Variants in CSMD1 observed in about 807,000 individuals in gnomAD.
The protein encoded by CSMD1 is CUB and Sushi multiple domains 1.
A neutral mutation model predicts 417.5 loss-of-function variants in CSMD1; 213 were observed. That is an observed-to-expected ratio of 0.51 (90% CI 0.46 to 0.57). The LOEUF is 0.57. Ranked by LOEUF, CSMD1 falls within the 20% of genes least tolerant of loss-of-function variation. CSMD1 has a pLI of 0.00. For synonymous variants in CSMD1, 2,862 were observed against 1,736.8 expected (o/e 1.65, Z -16.11); for missense variants, 6,923 against 4,529.7 (o/e 1.53, Z -15.17).
chr8:4,908,887 G>C (rs1805480742), intron 1 of CSMD1, among the ~76,000 whole-genome samples: 1 of 152,020 alleles, frequency 6.6e-6, no homozygotes, highest in Admixed American at 6.5e-5. Flanking sequence ...TAAATTCCCT[G>C]ACTGGCAATG....
chr8:3,196,360 G>T (rs1232350735), intron 33 of CSMD1, among the ~76,000 whole-genome samples: 4 of 152,122 alleles, frequency 2.6e-5, no homozygotes, highest in African/African-American at 9.7e-5. Context: ...AGTAGAAGCA[G>T]CTGAGTGGCC....
At chr8:3,845,966 G>A (rs1803475371) in intron 5 of CSMD1, among the ~76,000 whole-genome samples, 1 of 151,648 alleles carries the variant, frequency 6.6e-6, no homozygotes, top group African/African-American at 2.4e-5. Context: ...GCTCCTCAGG[G>A]GCAGTAGTAC....
At chr8:4,406,449 C>G (rs554725123) in intron 3 of CSMD1, among the ~76,000 whole-genome samples, 1 of 152,186 alleles carries the variant, frequency 6.6e-6, no homozygotes, top group Non-Finnish European at 1.5e-5. Flanking sequence ...TTTCAAATTT[C>G]TGATAAATCT....
intron 1 of CSMD1, among the ~76,000 whole-genome samples, chr8:4,759,919 T>C (rs1673246): frequency 0.32 from 48,038 of 152,044 alleles, 8,532 homozygotes; most frequent in African/African-American, 0.48. Flanking sequence ...TTTCTTTGGG[T>C]ATATACCTAA....
intron 41 of CSMD1, among the ~76,000 whole-genome samples, chr8:3,136,274 C>T (rs1200882561): frequency 1.7e-4 from 25 of 150,028 alleles, no homozygotes; most frequent in Non-Finnish European, 2.8e-4. Context: ...TTTTGCCCCC[C>T]GAGATAGAGT....
intron 3 of CSMD1, among the ~76,000 whole-genome samples, chr8:4,052,121 C>G (rs1206550092): frequency 1.3e-5 from 2 of 151,954 alleles, no homozygotes; most frequent in African/African-American, 4.8e-5. Flanking sequence ...GACAGGGTTT[C>G]ACCATGTTGG....
chr8:4,385,641 A>G (rs1406673147), intron 3 of CSMD1, among the ~76,000 whole-genome samples: 2 of 152,214 alleles, frequency 1.3e-5, no homozygotes, highest in Non-Finnish European at 2.9e-5. Context: ...AGATGCAAAG[A>G]CAATTGGCAT....
chr8:3,249,151 A>G (rs1355429472), intron 26 of CSMD1, among the ~76,000 whole-genome samples: 1 of 152,036 alleles, frequency 6.6e-6, no homozygotes, highest in East Asian at 1.9e-4. Flanking sequence ...AATAGTAACT[A>G]TTATAAGCTG....
chr8:3,907,870 C>G (rs1313143123), intron 5 of CSMD1, among the ~76,000 whole-genome samples: 1 of 152,194 alleles, frequency 6.6e-6, no homozygotes, highest in East Asian at 1.9e-4. Context: ...AGGCAAATAA[C>G]TTTCTCTCTT....
intron 5 of CSMD1, among the ~76,000 whole-genome samples, chr8:3,850,648 T>C (rs1341202504): frequency 6.6e-6 from 1 of 152,004 alleles, no homozygotes; most frequent in Non-Finnish European, 1.5e-5. Context: ...TGAGCCAAGA[T>C]CGCACCACTG....
At chr8:4,639,064 C>A (rs1181326104) in intron 1 of CSMD1, among the ~76,000 whole-genome samples, 1 of 152,050 alleles carries the variant, frequency 6.6e-6, no homozygotes, top group Middle Eastern at 3.2e-3. Flanking sequence ...CTATTTTTAC[C>A]ACTAGACAAA....
rs1339351263 is a variant in CSMD1 at position 3,181,154 on chromosome 8, G to A, written c.5681C>T (p.Ser1894Phe). 1 of 1,613,778 alleles carries A rather than the reference G, an allele frequency of 6.2e-7. No individual in the cohort carries two copies. The highest frequency in any genetic ancestry group is 8.5e-7 in the Non-Finnish European group (1 of 1,179,858). The change falls in exon 37 of 70, where the codon TCT becomes TTT. Residue 1894 changes from serine (S) to phenylalanine (F), a missense_variant. Ser to Phe is a radical substitution (Grantham distance 155). Transcript: ENST00000635120. ...TSNQLYLHFQ[S>F]DISVAAAGFH... ...ACCAGCAGCTGCCACACTAATGTCAGACTGGAAATGCAGGTAGAGTTGGTT... is the reference window on the plus strand; with the variant it reads ...ACCAGCAGCTGCCACACTAATGTCAAACTGGAAATGCAGGTAGAGTTGGTT...
chr8:4,305,781 A>C (rs1215468037), intron 3 of CSMD1, among the ~76,000 whole-genome samples: 2 of 152,134 alleles, frequency 1.3e-5, no homozygotes, highest in East Asian at 1.9e-4. Flanking sequence ...ATTTCACTTC[A>C]CAAAAGTGAT....
intron 1 of CSMD1, among the ~76,000 whole-genome samples, chr8:4,781,720 G>A (rs561758541): frequency 1.3e-5 from 2 of 152,214 alleles, no homozygotes; most frequent in East Asian, 3.9e-4. Flanking sequence ...ACATTTCTGG[G>A]AACACTAGAA....
chr8:4,068,261 C>A (rs1320271752), intron 3 of CSMD1, among the ~76,000 whole-genome samples: 1 of 152,056 alleles, frequency 6.6e-6, no homozygotes, highest in Non-Finnish European at 1.5e-5. Flanking sequence ...AGGTTGCCCT[C>A]CTCGGAGAGT....
intron 40 of CSMD1, among the ~76,000 whole-genome samples, chr8:3,149,937 C>A (rs1046760226): frequency 2.0e-5 from 3 of 152,166 alleles, no homozygotes; most frequent in Admixed American, 6.5e-5. Flanking sequence ...GGCTCCGGTC[C>A]TTAAGAGCGC....
In CSMD1 at chr8:3,649,639, G is replaced by A. The variant is rs141491441; in HGVS notation, c.1010-32842C>T. Among the ~76,000 whole-genome samples, 10 of 152,244 alleles carry A rather than the reference G, an allele frequency of 6.6e-5. No individual in the cohort carries two copies. The East Asian group carries it at 1.2e-3, about 18-fold the overall frequency. On this transcript the variant is annotated intron_variant, in intron 7 of 69. Coordinates refer to ENST00000635120, the MANE Select transcript of CSMD1 (RefSeq NM_033225.6). ...TTACTCACCATCATGAGAACAGCAC[G>A]GAGAAACCACCCCCATGATTCCATT...
intron 8 of CSMD1, among the ~76,000 whole-genome samples, chr8:3,602,899 C>A (rs1032339294): frequency 6.6e-6 from 1 of 152,042 alleles, no homozygotes; most frequent in African/African-American, 2.4e-5. Context: ...AATATAGGCT[C>A]AAGTAACAAT....
chr8:4,412,430 G>A (rs1198963612), intron 3 of CSMD1, among the ~76,000 whole-genome samples: 1 of 152,126 alleles, frequency 6.6e-6, no homozygotes, highest in Non-Finnish European at 1.5e-5. Context: ...TACCATGATT[G>A]GAAGCTTCCC....
Sources: allele counts gnomAD v4.1 joint callset (sites outside exome capture counted in the v4.1 genomes callset), GRCh38; gene constraint gnomAD v4.1.1; transcripts MANE v1.5; gene names NCBI Gene and HGNC (gene_info 2026-07-23, HGNC 2026-07-21).